The following MANEA variants were observed in gnomAD, a reference collection of about 807,000 sequenced individuals.
MANEA encodes the protein glycoprotein endo-alpha-1,2-mannosidase.
A neutral mutation model predicts 36.8 loss-of-function variants in MANEA; 25 were observed. That is an observed-to-expected ratio of 0.68 (90% CI 0.50 to 0.95). MANEA has a LOEUF of 0.95. MANEA is among the 40% of genes least tolerant of loss of function. MANEA has a pLI of 0.00. For missense variants in MANEA, 565 were observed against 558.8 expected (o/e 1.01, Z -0.11); for synonymous variants, 198 against 188.5 (o/e 1.05, Z -0.41).
In MANEA at chr6:95,605,731, A is replaced by G. The variant is rs758796346; in HGVS notation, c.732-17A>G. 1.9e-6 allele frequency: 3 copies of G among 1,582,992 alleles called. No homozygotes were observed. In the African/African-American group the frequency reaches 4.1e-5, roughly 21 times the overall value. ...TTGTGAATATTCATTTCACTTTTAT[A>G]TATGCTTATTTTCTAGATATGGAAA... On this transcript the variant is annotated splice_polypyrimidine_tract_variant and intron_variant, in intron 4 of 4. Transcript: ENST00000358812.
intron 1 of MANEA, among the ~76,000 whole-genome samples, chr6:95,584,985 C>G (rs776910798): frequency 6.6e-6 from 1 of 152,158 alleles, no homozygotes; most frequent in Non-Finnish European, 1.5e-5. Flanking sequence ...TAACTTAATT[C>G]TCTATAATAA....
chr6:95,602,913 G>C (rs1373567381), intron 3 of MANEA, among the ~76,000 whole-genome samples: 1 of 150,124 alleles, frequency 6.7e-6, no homozygotes, highest in Non-Finnish European at 1.5e-5. Flanking sequence ...CCAGCTACTC[G>C]GGAGGCTGAG....
At chr6:95,585,129 TATACTC>T (rs1769256184) in intron 1 of MANEA, among the ~76,000 whole-genome samples, 1 of 94,176 alleles carries the variant, frequency 1.1e-5, no homozygotes, top group Admixed American at 9.6e-5. Flanking sequence ...CCTATATACT[TATACTC>T]ATATATATAT....
chr6:95,584,646 C>T (rs773970961), intron 1 of MANEA, among the ~76,000 whole-genome samples: 11 of 152,136 alleles, frequency 7.2e-5, no homozygotes, highest in African/African-American at 1.7e-4. Context: ...GATCTTTGTT[C>T]TCCTTTTTGC....
chr6:95,596,704 T>G, intron 2 of MANEA, 33 bp from the exon 3 acceptor site: 1 of 1,139,508 alleles, frequency 8.8e-7, no homozygotes, highest in Non-Finnish European at 1.3e-6. Flanking sequence ...CATGTTCTTG[T>G]CTTTTCCCTT....
chr6:95,593,627 CTTAA>C (rs953040892), intron 2 of MANEA, among the ~76,000 whole-genome samples: 1 of 152,032 alleles, frequency 6.6e-6, no homozygotes, highest in African/African-American at 2.4e-5. Context: ...TGCAAGAAAA[CTTAA>C]TTCTTTTAAA....
chr6:95,588,963 A>G (rs956883428), intron 2 of MANEA, among the ~76,000 whole-genome samples: 2 of 151,980 alleles, frequency 1.3e-5, no homozygotes, highest in African/African-American at 4.8e-5. Context: ...GTATTGTATC[A>G]TGTATATGAA....
chr6:95,596,759 C>T lies in MANEA; in HGVS notation c.567C>T (p.Tyr189=). Residue 189 remains tyrosine (Y), a synonymous_variant, in exon 3 of 5, where the codon TAC becomes TAT. Coordinates refer to ENST00000358812, the MANE Select transcript of MANEA (RefSeq NM_024641.4). ...ASIGVLALSW[Y]PPDVNDENGE... ...TAGGTGTACTAGCCCTCTCTTGGTA[C>T]CCACCTGATGTAAATGATGAAAATG... 2 of 1,602,298 alleles carry T rather than the reference C, an allele frequency of 1.2e-6. No homozygotes were observed. The highest frequency in any genetic ancestry group is 1.7e-6 in the Non-Finnish European group (2 of 1,169,810).
intron 3 of MANEA, among the ~76,000 whole-genome samples, chr6:95,604,094 G>GTGTGTGTGTGTGTGTGTC (rs1769658684): frequency 1.3e-5 from 2 of 151,062 alleles, no homozygotes; most frequent in African/African-American, 2.4e-5. Flanking sequence ...GTGTGTGTGT[G>GTGTGTGTGTGTGTGTGTC]TATGGGATAT....
At chr6:95,583,192 T>C (rs1237631247) in intron 1 of MANEA, among the ~76,000 whole-genome samples, 1 of 152,126 alleles carries the variant, frequency 6.6e-6, no homozygotes, top group Non-Finnish European at 1.5e-5. Context: ...AGCTTTTTAT[T>C]AGAGAGGGAG....
intron 2 of MANEA, among the ~76,000 whole-genome samples, chr6:95,594,208 T>C (rs1310176955): frequency 6.6e-6 from 1 of 152,230 alleles, no homozygotes; most frequent in East Asian, 1.9e-4. Flanking sequence ...TACTGTAGTC[T>C]AGTAAGTGGA....
chr6:95,604,760 T>C, intron 3 of MANEA, 67 bp from the exon 4 acceptor site: 1 of 629,654 alleles, frequency 1.6e-6, no homozygotes, highest in Non-Finnish European at 2.7e-6. Context: ...ATTAAATATA[T>C]TAAGTATACT....
chr6:95,580,629 G>A (rs1361711475), intron 1 of MANEA, among the ~76,000 whole-genome samples: 1 of 151,296 alleles, frequency 6.6e-6, no homozygotes, highest in Non-Finnish European at 1.5e-5. Flanking sequence ...GGAGGCTGAA[G>A]CAGGAGAATG....
chr6:95,595,570 G>C (rs1435020876), intron 2 of MANEA, among the ~76,000 whole-genome samples: 1 of 152,002 alleles, frequency 6.6e-6, no homozygotes, highest in Non-Finnish European at 1.5e-5. Flanking sequence ...TTCTCCAGCA[G>C]TTTCTTACCT....
At chr6:95,594,081 C>T (rs1562198355) in intron 2 of MANEA, among the ~76,000 whole-genome samples, 1 of 151,502 alleles carries the variant, frequency 6.6e-6, no homozygotes, top group East Asian at 1.9e-4. Flanking sequence ...AGCAAAAGCT[C>T]ATGTGTGTGT....
chr6:95,599,497 G>A (rs1251543382), intron 3 of MANEA, among the ~76,000 whole-genome samples: 2 of 151,864 alleles, frequency 1.3e-5, no homozygotes, highest in Admixed American at 6.6e-5. Flanking sequence ...ATTTGCTGAA[G>A]CTTTTTATTT....
chr6:95,581,433 C>T (rs1048767201), intron 1 of MANEA, among the ~76,000 whole-genome samples: 2 of 152,220 alleles, frequency 1.3e-5, no homozygotes, highest in East Asian at 3.9e-4. Context: ...CATAAATGGA[C>T]ATTTTGTGCT....
Position 95,606,376 on chromosome 6 carries a change from G to A in MANEA, c.1360G>A (p.Ala454Thr). ...EKYSKERATY[A>T]LDRQLPVS ...ATACAGTAAGGAAAGAGCAACTTAT[G>A]CATTAGATCGCCAGCTGCCTGTTTC... The change falls in exon 5 of 5, where the codon GCA becomes ACA. Residue 454 changes from alanine (A) to threonine (T), a missense_variant. Physicochemically the swap from Ala to Thr is moderately conservative, Grantham distance 58 (BLOSUM62 0). Transcript: ENST00000358812. 6.3e-7 allele frequency: 1 copy of A among 1,597,910 alleles called. No individual in the cohort carries two copies. The highest frequency in any genetic ancestry group is 8.5e-7 in the Non-Finnish European group (1 of 1,177,374).
At chr6:95,583,057 A>G (rs774718166) in intron 1 of MANEA, among the ~76,000 whole-genome samples, 3 of 152,140 alleles carry the variant, frequency 2.0e-5, no homozygotes, top group Non-Finnish European at 4.4e-5. Context: ...TTCCACTGTT[A>G]TTATTTCCCC....
Sources: allele counts gnomAD v4.1 joint callset (sites outside exome capture counted in the v4.1 genomes callset), GRCh38; gene constraint gnomAD v4.1.1; transcripts MANE v1.5; gene names NCBI Gene and HGNC (gene_info 2026-07-23, HGNC 2026-07-21).